Variants in SND1 observed in about 807,000 individuals in gnomAD.
SND1 encodes staphylococcal nuclease domain-containing protein 1.
In SND1, 38 loss-of-function variants were observed where a neutral mutation model predicts 121.7. The observed-to-expected ratio is 0.31, with a 90% CI of 0.24 to 0.41. The LOEUF (loss-of-function observed/expected upper bound fraction) is 0.41. Ranked by LOEUF, SND1 falls within the 10% of genes least tolerant of loss-of-function variation. The pLI is 1.00. For missense variants in SND1, 868 were observed against 1,184.6 expected, an observed-to-expected ratio of 0.73 and a Z score of 3.92; for synonymous variants, 401 against 447.4, an observed-to-expected ratio of 0.90 and a Z score of 1.31.
chr7:127,886,214 A>G (rs1456736373), intron 12 of SND1, among the ~76,000 whole-genome samples: 2 of 152,072 alleles, frequency 1.3e-5, no homozygotes, highest in African/African-American at 4.8e-5. Context: ...CTGGCAGTAG[A>G]TAAACAGACA....
At chr7:127,777,842 T>C (rs1034245563) in intron 10 of SND1, among the ~76,000 whole-genome samples, 1 of 152,192 alleles carries the variant, frequency 6.6e-6, no homozygotes, top group Admixed American at 6.5e-5. Context: ...TGCACGTGTC[T>C]CTGATTTTGA....
chr7:127,790,213 G>T (rs187585457), intron 10 of SND1, among the ~76,000 whole-genome samples: 1 of 152,110 alleles, frequency 6.6e-6, no homozygotes, highest in Admixed American at 6.5e-5. Context: ...CCTTGTCATC[G>T]AGTGGTGAGG....
chr7:127,766,688 C>T (rs901346242), intron 10 of SND1, among the ~76,000 whole-genome samples: 11 of 129,606 alleles, frequency 8.5e-5, no homozygotes, highest in African/African-American at 1.7e-4. Context: ...GGCAGAATGG[C>T]GTGAACCCAG....
At chr7:127,658,850 A>G (rs998412868) in intron 1 of SND1, among the ~76,000 whole-genome samples, 25 of 152,238 alleles carry the variant, frequency 1.6e-4, no homozygotes, top group African/African-American at 6.0e-4. Context: ...TAGGTTTAGC[A>G]GAGAAAATTG....
At chr7:127,836,653 A>G (rs1273721313) in intron 11 of SND1, among the ~76,000 whole-genome samples, 1 of 152,202 alleles carries the variant, frequency 6.6e-6, no homozygotes, top group East Asian at 1.9e-4. Context: ...TACATCTACC[A>G]GTTATTTGTT....
rs570061968 is a variant in SND1, at chr7:127,700,352, G to C, written c.429-811G>C. Among the ~76,000 whole-genome samples, 9 of 152,310 alleles carry C rather than the reference G, an allele frequency of 5.9e-5. No homozygotes were observed. The East Asian group carries it at 1.7e-3, about 29-fold the overall frequency. On this transcript the variant is annotated intron_variant, in intron 4 of 23. Coordinates refer to ENST00000354725, the MANE Select transcript of SND1 (RefSeq NM_014390.4). ...TTGCCTTTTGGGGTAGGGAAGAGAGGTGAAGACTTCTGGCTTGAGAAATTG... is the reference window on the plus strand; with the variant it reads ...TTGCCTTTTGGGGTAGGGAAGAGAGCTGAAGACTTCTGGCTTGAGAAATTG...
intron 10 of SND1, among the ~76,000 whole-genome samples, chr7:127,762,671 T>C (rs1797325718): frequency 1.3e-5 from 2 of 152,244 alleles, no homozygotes; most frequent in Admixed American, 1.3e-4. Flanking sequence ...CCCTCATCTT[T>C]ATCTCTGCAA....
At chr7:127,728,191 A>G (rs1796615224) in intron 10 of SND1, among the ~76,000 whole-genome samples, 1 of 151,820 alleles carries the variant, frequency 6.6e-6, no homozygotes, top group Admixed American at 6.6e-5. Flanking sequence ...CTTTAGTTAT[A>G]TATTCCCTTT....
At chr7:127,664,359 C>A (rs1025746512) in intron 1 of SND1, among the ~76,000 whole-genome samples, 3 of 152,114 alleles carry the variant, frequency 2.0e-5, no homozygotes, top group Non-Finnish European at 4.4e-5. Context: ...TACTAGAGAT[C>A]GAGTTCAATC....
chr7:127,760,543 A>AG (rs1797285531), intron 10 of SND1, among the ~76,000 whole-genome samples: 1 of 152,234 alleles, frequency 6.6e-6, no homozygotes, highest in Admixed American at 6.5e-5. Flanking sequence ...AACACTATTA[A>AG]TTTTGAACTT....
At chr7:127,823,796 A>C (rs947686579) in intron 11 of SND1, among the ~76,000 whole-genome samples, 2 of 152,086 alleles carry the variant, frequency 1.3e-5, no homozygotes, top group African/African-American at 4.8e-5. Context: ...AGTCAGACTT[A>C]ATTGAGGAGG....
In SND1 at chr7:127,702,535, A is replaced by G. The variant is rs749578109; in HGVS notation, c.681+9A>G. ...TGCTGTCAGGCATCAAGGTCAGACC[A>G]TACTCTTGGCTACGTGGTGGGTTTA... On this transcript the variant is annotated intron_variant, in intron 6 of 23. Coordinates refer to ENST00000354725, the MANE Select transcript of SND1 (RefSeq NM_014390.4). 3.7e-6 allele frequency: 6 copies of G among 1,611,904 alleles called. No homozygotes were observed. The African/African-American group carries it at 8.0e-5, about 22-fold the overall frequency.
intron 3 of SND1, among the ~76,000 whole-genome samples, chr7:127,695,860 C>A (rs1795998382): frequency 6.6e-6 from 1 of 152,112 alleles, no homozygotes; most frequent in African/African-American, 2.4e-5. Flanking sequence ...AAGCACCTCA[C>A]TCTGGATATT....
chr7:127,853,057 A>G (rs1017732149), intron 12 of SND1, among the ~76,000 whole-genome samples: 2 of 152,192 alleles, frequency 1.3e-5, no homozygotes, highest in African/African-American at 2.4e-5. Context: ...GGAGGCAGGT[A>G]GTATCAGAGG....
chr7:127,812,841 G>A (rs141521826), intron 11 of SND1, among the ~76,000 whole-genome samples: 1 of 152,258 alleles, frequency 6.6e-6, no homozygotes, highest in East Asian at 1.9e-4. Context: ...AATCAGCTGT[G>A]TTAAGTACAA....
chr7:127,717,442 ATGCCTGATTTCCAT>A (rs1796410797), intron 9 of SND1, among the ~76,000 whole-genome samples: 1 of 152,012 alleles, frequency 6.6e-6, no homozygotes, highest in African/African-American at 2.4e-5. Context: ...AAGTTGTCTG[ATGCCTGATTTCCAT>A]GTAAGTACAT....
intron 11 of SND1, among the ~76,000 whole-genome samples, chr7:127,811,179 G>A (rs2116583323): frequency 6.6e-6 from 1 of 152,216 alleles, no homozygotes; most frequent in Non-Finnish European, 1.5e-5. Flanking sequence ...AACTAACCCA[G>A]CTCTTTTTAG....
chr7:128,049,177 ACTCTT>A, intron 16 of SND1, among the ~76,000 whole-genome samples: 1 of 151,362 alleles, frequency 6.6e-6, no homozygotes, highest in South Asian at 2.1e-4. Context: ...AGATTTTTTC[ACTCTT>A]CTCTTCCCAA....
At chr7:127,699,824 G>T (rs944055646) in intron 4 of SND1, among the ~76,000 whole-genome samples, 4 of 152,154 alleles carry the variant, frequency 2.6e-5, no homozygotes, top group Non-Finnish European at 5.9e-5. Context: ...TGTAGGAAAG[G>T]CTTTAGAGAA....
Sources: allele counts gnomAD v4.1 joint callset (sites outside exome capture counted in the v4.1 genomes callset), GRCh38; gene constraint gnomAD v4.1.1; transcripts MANE v1.5; gene names NCBI Gene and HGNC (gene_info 2026-07-23, HGNC 2026-07-21).